Variants in TSPAN15 observed in about 807,000 individuals in gnomAD.
TSPAN15 encodes tetraspanin-15.
In TSPAN15, 20 loss-of-function variants were observed where a neutral mutation model predicts 34.5. That is an observed-to-expected ratio of 0.58 (90% CI 0.41 to 0.84). TSPAN15 has a LOEUF of 0.84. Ranked by LOEUF, TSPAN15 falls within the 40% of genes least tolerant of loss-of-function variation. TSPAN15 has a pLI of 0.00. For missense variants in TSPAN15, 313 were observed against 386.1 expected (o/e 0.81, Z 1.59); for synonymous variants, 155 against 153.9 (o/e 1.01, Z -0.05).
chr10:69,509,251 G>A (rs1291445076), downstream of TSPAN15, among the ~76,000 whole-genome samples: 2 of 135,334 alleles, frequency 1.5e-5, no homozygotes, highest in Non-Finnish European at 3.3e-5. Context: ...ACACTGCACC[G>A]CTGGCCAGCT....
At position 69,460,955 on chromosome 10, in the gene TSPAN15, C is replaced by T. The variant is rs141309134; in HGVS notation, c.96+9265C>T. 2.1e-3 allele frequency among the ~76,000 whole-genome samples: 314 copies of T among 152,238 alleles called. 1 individual carries two copies. Among genetic ancestry groups the T allele is most frequent in the African/African-American group, 7.1e-3 (293 of 41,538 alleles). ...TGAGGAGAAGGTCCATGTGACAAGTCATGGACAACTCTCTGTGCCTTGGTT... is the reference window on the plus strand; with the variant it reads ...TGAGGAGAAGGTCCATGTGACAAGTTATGGACAACTCTCTGTGCCTTGGTT... On this transcript the variant is annotated intron_variant, in intron 1 of 7. Coordinates refer to ENST00000373290, the MANE Select transcript of TSPAN15 (RefSeq NM_012339.5).
intron 3 of TSPAN15, among the ~76,000 whole-genome samples, chr10:69,487,042 G>T (rs1163127151): frequency 6.6e-6 from 1 of 151,904 alleles, no homozygotes; most frequent in Non-Finnish European, 1.5e-5. Context: ...CTGCCTTTCT[G>T]TGCAGCCACC....
chr10:69,507,428 C>T lies in TSPAN15; in HGVS notation c.*450C>T. 2.3e-6 allele frequency: 3 copies of T among 1,279,116 alleles called. No individual in the cohort carries two copies. The highest frequency in any genetic ancestry group is 3.1e-6 in the Non-Finnish European group (3 of 980,822). The allele number at this position is 1,279,116 out of a possible 1,614,324, so 79.2% of individuals were successfully genotyped here. A position where few individuals can be genotyped will look rare whatever the true frequency, so the allele number is the denominator to read the frequency against. On this transcript the variant is annotated 3_prime_UTR_variant, in exon 8 of 8. Transcript: ENST00000373290. ...CAGGAGGGAAGAGCTGTCCATGCAGCCACGCCCATGGCCAGGTTGGCCTCT... is the reference window on the plus strand; with the variant it reads ...CAGGAGGGAAGAGCTGTCCATGCAGTCACGCCCATGGCCAGGTTGGCCTCT...
At chr10:69,472,250 G>A (rs751751057) in intron 1 of TSPAN15, among the ~76,000 whole-genome samples, 6 of 152,160 alleles carry the variant, frequency 3.9e-5, no homozygotes, top group Non-Finnish European at 8.8e-5. Flanking sequence ...CTGTTCCTGT[G>A]GTACCTTCAT....
chr10:69,518,432 T>C, the TSPAN15 span, among the ~76,000 whole-genome samples: 1 of 152,166 alleles, frequency 6.6e-6, no homozygotes. Flanking sequence ...TTGATTTTTT[T>C]TCTTTTTCTT....
At chr10:69,499,946 A>G (rs961244182) in intron 5 of TSPAN15, among the ~76,000 whole-genome samples, 2 of 152,166 alleles carry the variant, frequency 1.3e-5, no homozygotes, top group Non-Finnish European at 2.9e-5. Context: ...CAGGGAGGTC[A>G]TGGGTACCCC....
chr10:69,511,265 G>T (rs552767475), downstream of TSPAN15, among the ~76,000 whole-genome samples: 6 of 152,262 alleles, frequency 3.9e-5, no homozygotes, highest in South Asian at 1.2e-3. Flanking sequence ...CTTGTTATTG[G>T]TCTATTCAGG....
At chr10:69,536,395 A>G in the TSPAN15 span, among the ~76,000 whole-genome samples, 2 of 152,206 alleles carry the variant, frequency 1.3e-5, no homozygotes, top group African/African-American at 4.8e-5. Flanking sequence ...AGGCATTGAA[A>G]TACAGAGGGA....
chr10:69,498,895 G>A (rs1842145095), intron 5 of TSPAN15, among the ~76,000 whole-genome samples: 1 of 152,150 alleles, frequency 6.6e-6, no homozygotes, highest in Non-Finnish European at 1.5e-5. Flanking sequence ...GGAGCTTAGC[G>A]GGGGTAGCTG....
the TSPAN15 span, among the ~76,000 whole-genome samples, chr10:69,531,428 G>A: frequency 3.3e-5 from 5 of 152,044 alleles, no homozygotes; most frequent in African/African-American, 1.2e-4. Context: ...GCAAAACCCC[G>A]TCTCTACTAA....
downstream of TSPAN15, among the ~76,000 whole-genome samples, chr10:69,508,356 G>T (rs1009445966): frequency 1.2e-4 from 18 of 147,022 alleles, no homozygotes; most frequent in African/African-American, 4.5e-4. Flanking sequence ...CAGGAGAATC[G>T]CTTGAACCCG....
chr10:69,471,551 T>TTCTTTCTCTCTCTCTC (rs1554832144), intron 1 of TSPAN15, among the ~76,000 whole-genome samples: 1 of 151,076 alleles, frequency 6.6e-6, no homozygotes, highest in African/African-American at 2.5e-5. Flanking sequence ...CTTTCTTTCT[T>TTCTTTCTCTCTCTCTC]TCTCTCTCAC....
intron 3 of TSPAN15, among the ~76,000 whole-genome samples, chr10:69,492,434 A>G (rs1256043119): frequency 3.3e-5 from 5 of 152,140 alleles, no homozygotes; most frequent in African/African-American, 9.7e-5. Flanking sequence ...GTGCACACAC[A>G]TACAAGTGGT....
intron 4 of TSPAN15, among the ~76,000 whole-genome samples, chr10:69,496,799 A>C (rs1053734802): frequency 6.6e-6 from 1 of 152,098 alleles, no homozygotes; most frequent in African/African-American, 2.4e-5. Context: ...CAGCCTCTGG[A>C]AGGTCTTTTT....
the TSPAN15 span, among the ~76,000 whole-genome samples, chr10:69,541,916 C>T: frequency 6.6e-6 from 1 of 152,244 alleles, no homozygotes; most frequent in Non-Finnish European, 1.5e-5. Flanking sequence ...AGTTCTCAGA[C>T]ATTCCCTGGA....
Position 69,452,566 on chromosome 10 carries a change from G to A in TSPAN15, c.96+876G>A, listed in dbSNP as rs145116060. On this transcript the variant is annotated intron_variant, in intron 1 of 7. Coordinates refer to ENST00000373290, the MANE Select transcript of TSPAN15 (RefSeq NM_012339.5). Reference sequence around the variant, plus strand: ...TCGCGGAGATTACGTGAAATAGGCCGGGTATGGTGCCTAGTGAAGAGCTCA... The same window carrying A: ...TCGCGGAGATTACGTGAAATAGGCCAGGTATGGTGCCTAGTGAAGAGCTCA... Among the ~76,000 whole-genome samples the A allele has an allele frequency of 4.3e-3, 658 of 152,234 alleles. 3 individuals carry two copies. Among genetic ancestry groups the A allele is most frequent in the African/African-American group, 0.015 (631 of 41,518 alleles).
In TSPAN15 at chr10:69,486,453, T is replaced by G. The variant is rs1405734701; in HGVS notation, c.357+1238T>G. 2.0e-5 allele frequency among the ~76,000 whole-genome samples: 3 copies of G among 152,102 alleles called. No individual in the cohort carries two copies. The East Asian group carries it at 5.8e-4, about 29-fold the overall frequency. The stretch of plus-strand genomic sequence containing the variant: ...TTTTTTAAAAATAATGTTTGTTTAT[T>G]TTTTTGAGACAGGGTCTCACTCTGC... On this transcript the variant is annotated intron_variant, in intron 3 of 7. Transcript: ENST00000373290.
intron 3 of TSPAN15, among the ~76,000 whole-genome samples, chr10:69,490,556 A>G (rs1444197860): frequency 6.6e-6 from 1 of 152,212 alleles, no homozygotes; most frequent in African/African-American, 2.4e-5. Flanking sequence ...TCCTGTCTCT[A>G]GTAAAAATAC....
At chr10:69,462,012 G>A (rs1439815135) in intron 1 of TSPAN15, among the ~76,000 whole-genome samples, 3 of 150,536 alleles carry the variant, frequency 2.0e-5, no homozygotes, top group African/African-American at 7.3e-5. Context: ...ATAATGACAG[G>A]GTCTTGCTCT....
Sources: allele counts gnomAD v4.1 joint callset (sites outside exome capture counted in the v4.1 genomes callset), GRCh38; gene constraint gnomAD v4.1.1; transcripts MANE v1.5; gene names NCBI Gene and HGNC (gene_info 2026-07-23, HGNC 2026-07-21).